GCSAML: variants seen among roughly 807,000 people sequenced by gnomAD.
GCSAML encodes germinal center-associated signaling and motility-like protein.
In GCSAML, 9 loss-of-function variants were observed where a neutral mutation model predicts 13.0. That is an observed-to-expected ratio of 0.69 (90% CI 0.42 to 1.21). The LOEUF (loss-of-function observed/expected upper bound fraction) is 1.21, where lower values mean the gene tolerates loss of function less well. GCSAML is among the 50% of genes most tolerant of loss of function. The probability of loss-of-function intolerance (pLI) is 0.00; values close to 1 mark genes in which losing one functional copy is unlikely to be tolerated. For missense variants in GCSAML, 143 were observed against 153.4 expected (o/e 0.93, Z 0.36); for synonymous variants, 37 against 52.9 (o/e 0.70, Z 1.31).
At chr1:247,544,715 G>A (rs1355363870), upstream of GCSAML, among the ~76,000 whole-genome samples, 1 of 152,048 alleles carries the variant, frequency 6.6e-6, no homozygotes, top group African/African-American at 2.4e-5. Flanking sequence ...AATTATCTGG[G>A]CATGGTGGCA....
At position 247,556,476 on chromosome 1, in the gene GCSAML, G is replaced by C. The variant is rs1667953472; in HGVS notation, c.89+10G>C. The C allele has an allele frequency of 6.3e-7, 1 of 1,590,492 alleles. No individual in the cohort carries two copies. Among genetic ancestry groups the C allele is most frequent in the African/African-American group, 1.3e-5 (1 of 74,152 alleles). On this transcript the variant is annotated intron_variant, in intron 2 of 4. Coordinates refer to ENST00000366488, the MANE Select transcript of GCSAML (RefSeq NM_145278.5). ...ATGAGGAAAGAAAACGGTAAGAACA[G>C]AGCATCTCAGAGTTTTTTTGTTTTG...
intron 1 of GCSAML, among the ~76,000 whole-genome samples, 183 bp downstream of exon 1, chr1:247,549,403 C>A (rs1033585647): frequency 2.6e-5 from 4 of 152,092 alleles, no homozygotes; most frequent in African/African-American, 4.8e-5. Context: ...TACTCTGGAA[C>A]AATGATAGGT....
At chr1:247,561,162 C>T (rs939026826) in intron 2 of GCSAML, among the ~76,000 whole-genome samples, 5 of 152,070 alleles carry the variant, frequency 3.3e-5, no homozygotes, top group African/African-American at 1.2e-4. Flanking sequence ...CCATGTTGCC[C>T]AGTCTGGTCT....
chr1:247,508,406 G>C (rs1407536937), intron 1 of GCSAML, among the ~76,000 whole-genome samples: 1 of 152,022 alleles, frequency 6.6e-6, no homozygotes, highest in African/African-American at 2.4e-5. Context: ...TGTAGATTCT[G>C]GATATTAGAC....
intron 1 of GCSAML, among the ~76,000 whole-genome samples, chr1:247,513,715 C>G (rs974893752): frequency 1.3e-5 from 2 of 152,170 alleles, no homozygotes; most frequent in Non-Finnish European, 2.9e-5. Flanking sequence ...CTGCAGTGCA[C>G]CATTCCTCAG....
intron 2 of GCSAML, among the ~76,000 whole-genome samples, chr1:247,534,417 C>T (rs1480163240): frequency 6.6e-6 from 1 of 152,150 alleles, no homozygotes; most frequent in Admixed American, 6.5e-5. Flanking sequence ...TCAGCATAAA[C>T]TTTCGGTAGT....
intron 2 of GCSAML, chr1:247,531,693 C>A (rs757464425): frequency 1.2e-5 from 19 of 1,614,072 alleles, no homozygotes; most frequent in Middle Eastern, 1.6e-4. Flanking sequence ...GAGCTATGAA[C>A]TTGCCCTGCT....
intron 1 of GCSAML, among the ~76,000 whole-genome samples, chr1:247,511,116 G>A (rs1308004173): frequency 6.6e-6 from 1 of 151,744 alleles, no homozygotes; most frequent in Non-Finnish European, 1.5e-5. Context: ...AGTTTATTGT[G>A]TGGGAGTCTA....
chr1:247,534,085 GT>G, intron 2 of GCSAML, among the ~76,000 whole-genome samples: 1 of 152,038 alleles, frequency 6.6e-6, no homozygotes, highest in Non-Finnish European at 1.5e-5. Context: ...CCCTGACTGT[GT>G]TATATAATAT....
intron 4 of GCSAML, among the ~76,000 whole-genome samples, chr1:247,570,240 T>C (rs1668549604): frequency 6.6e-6 from 1 of 152,212 alleles, no homozygotes; most frequent in African/African-American, 2.4e-5. Flanking sequence ...ATTTCTTGTC[T>C]TCTGCTAGCT....
At chr1:247,516,329 G>A (rs1258237936) in intron 1 of GCSAML, among the ~76,000 whole-genome samples, 3 of 152,144 alleles carry the variant, frequency 2.0e-5, no homozygotes, top group African/African-American at 7.2e-5. Flanking sequence ...TGGACCCTAC[G>A]TCTGCGACAG....
rs1410100990 is a variant in GCSAML at position 247,574,426 on chromosome 1, C to T, written c.*44C>T. The T allele has an allele frequency of 3.7e-6, 6 of 1,600,022 alleles. No individual in the cohort carries two copies. The highest frequency in any genetic ancestry group is 5.1e-6 in the Non-Finnish European group (6 of 1,172,178). On this transcript the variant is annotated 3_prime_UTR_variant, in exon 5 of 5. Coordinates refer to ENST00000366488, the MANE Select transcript of GCSAML (RefSeq NM_145278.5). ...TCACCTTCCAGCAATGAAGACAATG[C>T]AGAATAGCAGACTCTGGCGAAGTTG...
chr1:247,537,950 T>C (rs1441538346), intron 2 of GCSAML, among the ~76,000 whole-genome samples: 1 of 152,228 alleles, frequency 6.6e-6, no homozygotes, highest in Non-Finnish European at 1.5e-5. Flanking sequence ...GTCTTTTAAC[T>C]CTTTTGACAA....
rs191486171 is a variant in GCSAML at position 247,527,192 on chromosome 1, G to T, written c.-148+138G>T. 65 of 406,686 alleles carry T rather than the reference G, an allele frequency of 1.6e-4. No homozygotes were observed. The highest frequency in any genetic ancestry group is 1.4e-3 in the Admixed American group (53 of 37,234). The allele number at this position is 406,686 out of a possible 1,614,324, so 25.2% of individuals were successfully genotyped here. A position where few individuals can be genotyped will look rare whatever the true frequency, so the allele number is the denominator to read the frequency against. ...TTAAGGCAGTTGGAGGAGAGTGTGAGTTATGGTCATCATTCTCCTCTGTGC... is the reference window on the plus strand; with the variant it reads ...TTAAGGCAGTTGGAGGAGAGTGTGATTTATGGTCATCATTCTCCTCTGTGC... On this transcript the variant is annotated intron_variant, in intron 2 of 5. Transcript: ENST00000366489. This position sits in a 1 kb window ranked among gnomAD's most constrained non-coding sequence, Gnocchi z 4.6.
At chr1:247,520,165 C>G (rs113624711) in intron 1 of GCSAML, among the ~76,000 whole-genome samples, 4 of 152,124 alleles carry the variant, frequency 2.6e-5, no homozygotes, top group Non-Finnish European at 5.9e-5. Context: ...CTACTTAGTT[C>G]CTGTAATGGC....
chr1:247,538,762 C>G (rs1201565815), intron 2 of GCSAML: 1 of 456,420 alleles, frequency 2.2e-6, no homozygotes, highest in South Asian at 1.5e-5. Context: ...CTGAGGGTAC[C>G]TTGATCTTGG....
intron 1 of GCSAML, among the ~76,000 whole-genome samples, chr1:247,521,500 C>T (rs1666425007): frequency 1.3e-5 from 2 of 152,204 alleles, no homozygotes; most frequent in Admixed American, 6.5e-5. Context: ...ACTGCCTTAG[C>T]CTGCCCAGTG....
intron 1 of GCSAML, among the ~76,000 whole-genome samples, chr1:247,513,247 G>A (rs1458057825): frequency 6.6e-6 from 1 of 152,222 alleles, no homozygotes; most frequent in African/African-American, 2.4e-5. Context: ...GGCTACAGCG[G>A]CTTTGCTGAG....
intron 3 of GCSAML, among the ~76,000 whole-genome samples, chr1:247,564,148 G>A (rs573852042): frequency 3.3e-5 from 5 of 152,196 alleles, no homozygotes; most frequent in African/African-American, 7.2e-5. Context: ...TGGCCAGGCT[G>A]GTTTCAAACT....
Sources: allele counts gnomAD v4.1 joint callset (sites outside exome capture counted in the v4.1 genomes callset), GRCh38; gene constraint gnomAD v4.1.1; non-coding constraint Gnocchi (gnomAD v3.1); transcripts MANE v1.5; gene names NCBI Gene and HGNC (gene_info 2026-07-23, HGNC 2026-07-21).